Variants in TTBK2 observed in about 807,000 individuals in gnomAD.
TTBK2 encodes tau-tubulin kinase 2.
A neutral mutation model predicts 110.8 loss-of-function variants in TTBK2; 28 were observed. The observed-to-expected ratio is 0.25, with a 90% CI of 0.19 to 0.35. TTBK2 has a LOEUF of 0.35. TTBK2 is among the 10% of genes least tolerant of loss of function. The pLI, the probability that TTBK2 is intolerant of heterozygous loss-of-function variation, is 1.00. For missense variants in TTBK2, 1,369 were observed against 1,500.3 expected (o/e 0.91, Z 1.45); for synonymous variants, 532 against 527.3 (o/e 1.01, Z -0.12).
chr15:42,919,947 T>C, intron 1 of TTBK2: 1 of 342,844 alleles, frequency 2.9e-6, no homozygotes, highest in Non-Finnish European at 4.1e-6. Context: ...CTCAGATCAT[T>C]ACTTCAGCAC....
Position 42,878,670 on chromosome 15 carries a change from T to C in TTBK2, c.-53A>G. 3 of 1,613,230 alleles carry C rather than the reference T, an allele frequency of 1.9e-6. No individual in the cohort carries two copies. The highest frequency in any genetic ancestry group is 2.2e-5 in the South Asian group (2 of 91,062). On this transcript the variant is annotated 5_prime_UTR_variant, in exon 2 of 15. Coordinates refer to ENST00000267890, the MANE Select transcript of TTBK2 (RefSeq NM_173500.4). Reference sequence around the variant, plus strand: ...TACACAGGCATCCAGTTCCCAAGGGTGGTTTCCATTTAACCTAAAACAACA... The same window carrying C: ...TACACAGGCATCCAGTTCCCAAGGGCGGTTTCCATTTAACCTAAAACAACA...
At chr15:42,796,270 G>A (rs1364828796) in intron 9 of TTBK2, among the ~76,000 whole-genome samples, 2 of 152,282 alleles carry the variant, frequency 1.3e-5, no homozygotes, top group East Asian at 1.9e-4. Context: ...AAGGTGTGGT[G>A]GCAGGTGCCT....
chr15:42,877,186 A>G (rs1894849146), intron 2 of TTBK2, among the ~76,000 whole-genome samples: 1 of 152,168 alleles, frequency 6.6e-6, no homozygotes, highest in African/African-American at 2.4e-5. Flanking sequence ...TGCAATCCCT[A>G]ACTAACAGAC....
chr15:42,796,537 A>G (rs984425088), intron 9 of TTBK2, among the ~76,000 whole-genome samples: 1 of 152,266 alleles, frequency 6.6e-6, no homozygotes, highest in Non-Finnish European at 1.5e-5. Flanking sequence ...AGAAAGACTC[A>G]GCAAAGGAAA....
intron 2 of TTBK2, among the ~76,000 whole-genome samples, chr15:42,877,048 G>A (rs1169331617): frequency 1.3e-5 from 2 of 152,102 alleles, no homozygotes; most frequent in African/African-American, 4.8e-5. Flanking sequence ...AATTAAAAAA[G>A]AGAAGCAAGT....
intron 1 of TTBK2, among the ~76,000 whole-genome samples, chr15:42,910,554 C>G (rs190441633): frequency 2.0e-4 from 30 of 152,256 alleles, no homozygotes; most frequent in African/African-American, 7.0e-4. Context: ...GAAAATTTAA[C>G]ATATGCTCAT....
chr15:42,802,281 GC>G, intron 9 of TTBK2: 1 of 792,122 alleles, frequency 1.3e-6, no homozygotes. Flanking sequence ...AGCTGCTGCT[GC>G]CCATTCGGGA....
At chr15:42,824,153 C>T (rs1182890769) in intron 6 of TTBK2, among the ~76,000 whole-genome samples, 3 of 152,132 alleles carry the variant, frequency 2.0e-5, no homozygotes, top group South Asian at 2.1e-4. Context: ...TCTATTCATG[C>T]GTGATCCATC....
intron 13 of TTBK2, among the ~76,000 whole-genome samples, chr15:42,763,725 C>T (rs756771405): frequency 6.6e-6 from 1 of 152,094 alleles, no homozygotes. Context: ...ATGGTATCTT[C>T]CACTTTGGCC....
intron 13 of TTBK2, among the ~76,000 whole-genome samples, chr15:42,756,314 G>A (rs572989250): frequency 7.2e-5 from 11 of 152,242 alleles, no homozygotes; most frequent in Non-Finnish European, 1.0e-4. Context: ...GGCCAAGCAC[G>A]GTGGCTCATG....
intron 4 of TTBK2, among the ~76,000 whole-genome samples, chr15:42,831,356 T>C (rs1892751911): frequency 6.6e-6 from 1 of 152,148 alleles, no homozygotes; most frequent in African/African-American, 2.4e-5. Flanking sequence ...CCACCATGCC[T>C]GGCCCCATAT....
At chr15:42,893,401 C>T (rs868520683) in intron 1 of TTBK2, among the ~76,000 whole-genome samples, 12 of 151,904 alleles carry the variant, frequency 7.9e-5, no homozygotes, top group East Asian at 3.9e-4. Context: ...GAGGCTGAGG[C>T]GGGAGGATAA....
intron 9 of TTBK2, among the ~76,000 whole-genome samples, chr15:42,809,227 T>C (rs780154692): frequency 2.6e-5 from 4 of 152,268 alleles, no homozygotes; most frequent in Admixed American, 6.5e-5. Flanking sequence ...CAAAGTAATG[T>C]TATGCCTGTT....
chr15:42,888,917 AT>A (rs779757062), intron 1 of TTBK2, among the ~76,000 whole-genome samples: 2 of 152,020 alleles, frequency 1.3e-5, no homozygotes, highest in Non-Finnish European at 2.9e-5. Flanking sequence ...GGTCACTCCT[AT>A]TTACTCTCCT....
At chr15:42,828,575 T>C (rs1250091995) in intron 5 of TTBK2, among the ~76,000 whole-genome samples, 1 of 150,582 alleles carries the variant, frequency 6.6e-6, no homozygotes, top group Non-Finnish European at 1.5e-5. Flanking sequence ...ATACAAAAAT[T>C]AACCGGGTGC....
chr15:42,906,000 C>T (rs1480024256), intron 1 of TTBK2, among the ~76,000 whole-genome samples: 1 of 152,120 alleles, frequency 6.6e-6, no homozygotes, highest in Non-Finnish European at 1.5e-5. Context: ...ACCAGCCAGA[C>T]CAACATGGAG....
chr15:42,795,872 C>T (rs1890917435), intron 9 of TTBK2, among the ~76,000 whole-genome samples: 1 of 149,394 alleles, frequency 6.7e-6, no homozygotes. Flanking sequence ...AAGATTACTT[C>T]AGCTATTAAG....
At chr15:42,822,191 T>A (rs1892334195) in intron 6 of TTBK2, among the ~76,000 whole-genome samples, 1 of 152,218 alleles carries the variant, frequency 6.6e-6, no homozygotes, top group Non-Finnish European at 1.5e-5. Flanking sequence ...CAGATGTGCG[T>A]TCTGCAAATA....
Position 42,901,944 on chromosome 15 carries a change from G to A in TTBK2, c.-68+18494C>T, listed in dbSNP as rs1006182578. On this transcript the variant is annotated intron_variant, in intron 1 of 14. Transcript: ENST00000267890. Reference sequence around the variant, plus strand: ...CAAAACCACAATGAGGGCCAGGGGCGGTGGCTCACGCTTGTAATCCCAGCA... The same window carrying A: ...CAAAACCACAATGAGGGCCAGGGGCAGTGGCTCACGCTTGTAATCCCAGCA... Among the ~76,000 whole-genome samples the A allele has an allele frequency of 5.9e-5, 9 of 152,066 alleles. No individual in the cohort carries two copies. The South Asian group carries it at 8.3e-4, about 14-fold the overall frequency.
Sources: gnomAD v4.1 joint callset for allele counts (sites outside exome capture counted in the v4.1 genomes callset) on GRCh38, gnomAD v4.1.1 for gene constraint, MANE v1.5 for transcripts, NCBI Gene and HGNC (gene_info 2026-07-23, HGNC 2026-07-21) for gene names.